Variants in ZMAT2 observed in about 807,000 individuals in gnomAD.
The protein encoded by ZMAT2 is zinc finger matrin-type protein 2.
Under a neutral mutation model 27.5 loss-of-function variants are expected in ZMAT2, and 5 were observed. That is an observed-to-expected ratio of 0.18 (90% CI 0.10 to 0.38). The LOEUF (loss-of-function observed/expected upper bound fraction) is 0.38. Ranked by LOEUF, ZMAT2 falls within the 10% of genes least tolerant of loss-of-function variation. The pLI is 1.00. For missense variants in ZMAT2, 124 were observed against 243.9 expected, an observed-to-expected ratio of 0.51 and a Z score of 3.27; for synonymous variants, 76 against 78.6, an observed-to-expected ratio of 0.97 and a Z score of 0.17.
Position 140,706,213 on chromosome 5 carries a change from CT to C in ZMAT2, c.*462del. ...GTTGATTGCATATCCTTGATCAGCC[CT>C]TTTTCCCATCCTGCCCTATGGTTCT... On this transcript the variant is annotated 3_prime_UTR_variant, in exon 6 of 6. Coordinates refer to ENST00000274712, the MANE Select transcript of ZMAT2 (RefSeq NM_144723.3). The C allele has an allele frequency of 6.3e-6, 1 of 159,872 alleles. No homozygotes were observed. 9.9% of individuals were successfully genotyped at this position (159,872 alleles called of 1,614,324 possible). A position where few individuals can be genotyped will look rare whatever the true frequency, so the allele number is the denominator to read the frequency against.
chr5:140,705,535 C>T (rs1323649827), intron 5 of ZMAT2, 78 bp from the exon 6 acceptor site: 7 of 1,503,024 alleles, frequency 4.7e-6, no homozygotes, highest in East Asian at 2.4e-5. Flanking sequence ...GTACTGCATG[C>T]CCCAGAATGT....
Position 140,700,828 on chromosome 5 carries a change from T to G in ZMAT2, c.28T>G (p.Leu10Val), listed in dbSNP as rs748246994. 6.2e-7 allele frequency: 1 copy of G among 1,613,904 alleles called. No individual in the cohort carries two copies. The highest frequency in any genetic ancestry group is 8.5e-7 in the Non-Finnish European group (1 of 1,179,886). ...TTTTTCCTCCCCACAGACAAAAAAC[T>G]TGGACTTTCGCCGAAAGTGGGACAA... MASGSGTKN[L>V]DFRRKWDKDE... The change falls in exon 2 of 6, where the codon TTG (leucine) becomes GTG (valine). Residue 10 changes from leucine to valine, a missense_variant. By Grantham distance (32) the Leu-to-Val change is conservative (BLOSUM62 1). This residue lies in a region of ZMAT2 where 24 missense variants were observed against 24.1 expected (regional missense o/e 0.99). Coordinates refer to ENST00000274712, the MANE Select transcript of ZMAT2 (RefSeq NM_144723.3).
Position 140,705,963 on chromosome 5 carries a change from C to T in ZMAT2, c.*207C>T. The T allele has an allele frequency of 1.7e-6, 1 of 576,636 alleles. No individual in the cohort carries two copies. Among genetic ancestry groups the T allele is most frequent in the East Asian group, 3.0e-5 (1 of 33,812 alleles). 35.7% of individuals were successfully genotyped at this position (576,636 alleles called of 1,614,324 possible). Reference sequence around the variant, plus strand: ...GTAATGCTGTGGCATATTGCTTCTGCCTCAGTGTATCACTGGAGTCACAGG... The same window carrying T: ...GTAATGCTGTGGCATATTGCTTCTGTCTCAGTGTATCACTGGAGTCACAGG... On this transcript the variant is annotated 3_prime_UTR_variant, in exon 6 of 6. Transcript: ENST00000274712.
chr5:140,704,057 G>A, intron 4 of ZMAT2, 66 bp downstream of exon 4: 2 of 1,442,838 alleles, frequency 1.4e-6, no homozygotes, highest in Non-Finnish European at 1.9e-6. Context: ...TGGAATGGAA[G>A]GGTAGCTTTT....
In ZMAT2 at chr5:140,700,511, G is replaced by A. The variant is rs760765584; in HGVS notation, c.18+33G>A. 8 of 1,612,552 alleles carry A rather than the reference G, an allele frequency of 5.0e-6. No individual in the cohort carries two copies. In the African/African-American group the frequency reaches 5.3e-5, roughly 11 times the overall value. Reference sequence around the variant, plus strand: ...TTGTGTCTGAGGAGGAGGTTTTGCGGGGTGGGGAATGGTTTTTCAGACCTG... The same window carrying A: ...TTGTGTCTGAGGAGGAGGTTTTGCGAGGTGGGGAATGGTTTTTCAGACCTG... On this transcript the variant is annotated intron_variant, in intron 1 of 5. Transcript: ENST00000274712.
intron 1 of ZMAT2, 117 bp downstream of exon 1, chr5:140,700,595 T>A: frequency 6.4e-7 from 1 of 1,571,194 alleles, no homozygotes; most frequent in Non-Finnish European, 8.7e-7. Flanking sequence ...GATCCCAGGG[T>A]TCAGGTTCAA....
rs769269186 is a variant in ZMAT2, at chr5:140,702,115, A to T, written c.222A>T (p.Gln74His). The change falls in exon 3 of 6, where the codon CAA (glutamine) becomes CAT (histidine). Residue 74 changes from glutamine (Q) to histidine (H), a missense_variant. This residue lies in a region of ZMAT2 where 34 missense variants were observed against 50.8 expected (regional missense o/e 0.67). Transcript: ENST00000274712. ...KTIVITKTTP[Q>H]SEMGGYYCNV... Reference sequence around the variant, plus strand: ...TTGTCATTACCAAGACAACCCCTCAATCTGAGATGGGAGGGTGAGTTGCTT... The same window carrying T: ...TTGTCATTACCAAGACAACCCCTCATTCTGAGATGGGAGGGTGAGTTGCTT... 1.9e-6 allele frequency: 3 copies of T among 1,612,696 alleles called. No homozygotes were observed. The highest frequency in any genetic ancestry group is 2.5e-6 in the Non-Finnish European group (3 of 1,179,384).
intron 3 of ZMAT2, 123 bp downstream of exon 3, chr5:140,702,252 C>T: frequency 7.9e-7 from 1 of 1,261,074 alleles, no homozygotes; most frequent in Non-Finnish European, 1.1e-6. Context: ...GCCTGTAATT[C>T]TATCTTTATA....
intron 3 of ZMAT2, among the ~76,000 whole-genome samples, chr5:140,703,439 G>A (rs1252460905): frequency 4.6e-5 from 7 of 151,718 alleles, no homozygotes; most frequent in African/African-American, 1.7e-4. Context: ...TCTCCGTGTT[G>A]GTCAGGCTAG....
At chr5:140,703,559 G>C (rs1217997776) in intron 3 of ZMAT2, among the ~76,000 whole-genome samples, 1 of 152,136 alleles carries the variant, frequency 6.6e-6, no homozygotes, top group Admixed American at 6.6e-5. Flanking sequence ...CTATAAGACT[G>C]CTCACAATAA....
In ZMAT2 at chr5:140,704,481, G is replaced by A; in HGVS notation, c.366G>A (p.Val122=). ...TGGAACGTTCCACCCTGGATCAGGT[G>A]AAGAAACGTTTTGAGGTCAACAAGA... ...MRVERSTLDQ[V]KKRFEVNKKK... Residue 122 remains valine, a synonymous_variant, in exon 5 of 6, where the codon GTG becomes GTA. Coordinates refer to ENST00000274712, the MANE Select transcript of ZMAT2 (RefSeq NM_144723.3). 6.2e-7 allele frequency: 1 copy of A among 1,614,124 alleles called. No individual in the cohort carries two copies. The highest frequency in any genetic ancestry group is 1.1e-5 in the South Asian group (1 of 91,078).
chr5:140,705,475 C>T (rs1399398600), intron 5 of ZMAT2, 138 bp from the exon 6 acceptor site: 1 of 999,616 alleles, frequency 1.0e-6, no homozygotes, highest in African/African-American at 1.6e-5. Flanking sequence ...TCAATATCCC[C>T]ATATTAGAGA....
At chr5:140,704,653 T>G in intron 5 of ZMAT2, 82 bp downstream of exon 5, 1 of 1,451,000 alleles carries the variant, frequency 6.9e-7, no homozygotes. Context: ...CTCATCCCAC[T>G]CCTACTCCCA....
Position 140,704,511 on chromosome 5 carries a change from G to T in ZMAT2, c.396G>T (p.Lys132Asn). 6.2e-7 allele frequency: 1 copy of T among 1,614,162 alleles called. No homozygotes were observed. Among genetic ancestry groups the T allele is most frequent in the Non-Finnish European group, 8.5e-7 (1 of 1,180,032 alleles). Residue 132 changes from lysine (K) to asparagine (N), a missense_variant, in exon 5 of 6, where the codon AAG (lysine) becomes AAT (asparagine). Physicochemically the swap from Lys to Asn is moderately conservative, Grantham distance 94. Coordinates refer to ENST00000274712, the MANE Select transcript of ZMAT2 (RefSeq NM_144723.3). ...VKKRFEVNKK[K>N]MEEKQKDYDF... The stretch of plus-strand genomic sequence containing the variant: ...AACGTTTTGAGGTCAACAAGAAGAA[G>T]ATGGAAGAGAAGCAGAAGGATTATG...
rs373989620 is a variant in ZMAT2 at position 140,704,414 on chromosome 5, G to C, written c.311-12G>C. 3.8e-5 allele frequency: 61 copies of C among 1,605,578 alleles called. No homozygotes were observed. The highest frequency in any genetic ancestry group is 4.8e-5 in the Non-Finnish European group (57 of 1,176,562). On this transcript the variant is annotated splice_polypyrimidine_tract_variant and intron_variant, in intron 4 of 5. Transcript: ENST00000274712. ...TAATGAACTTGCCTTCTTCACTGTT[G>C]ACCCTATGCAGATCAGAGAAACCTG...
intron 5 of ZMAT2, 122 bp downstream of exon 5, chr5:140,704,693 A>G (rs1178911896): frequency 1.0e-6 from 1 of 953,428 alleles, no homozygotes; most frequent in African/African-American, 1.7e-5. Context: ...TGAGTTCTGT[A>G]TATTAGCGGA....
intron 3 of ZMAT2, among the ~76,000 whole-genome samples, chr5:140,703,359 G>C (rs1186763784): frequency 6.6e-6 from 1 of 150,712 alleles, no homozygotes; most frequent in Non-Finnish European, 1.5e-5. Context: ...TCCTGCCTCA[G>C]CCTCCCAAGT....
At chr5:140,702,797 T>C (rs1046375590) in intron 3 of ZMAT2, among the ~76,000 whole-genome samples, 2 of 152,156 alleles carry the variant, frequency 1.3e-5, no homozygotes, top group Admixed American at 6.5e-5. Context: ...CTATAACCTA[T>C]AGGAAGAAGG....
chr5:140,702,196 A>G, intron 3 of ZMAT2, 67 bp downstream of exon 3: 1 of 1,589,472 alleles, frequency 6.3e-7, no homozygotes, highest in Non-Finnish European at 8.6e-7. Context: ...TTTTGGTTTT[A>G]GGAAGTGTTA....
Sources: allele counts gnomAD v4.1 joint callset (sites outside exome capture counted in the v4.1 genomes callset), GRCh38; gene constraint gnomAD v4.1.1; regional missense constraint gnomAD v4.1.1; transcripts MANE v1.5; gene names NCBI Gene and HGNC (gene_info 2026-07-23, HGNC 2026-07-21).